The following TTC8 variants were observed in gnomAD, a reference collection of about 807,000 sequenced individuals.
TTC8 encodes the protein tetratricopeptide repeat domain 8.
In TTC8, 47 loss-of-function variants were observed where a neutral mutation model predicts 72.5. The ratio of observed to expected loss-of-function variants is 0.65; its 90% CI spans 0.51 to 0.83. The LOEUF (loss-of-function observed/expected upper bound fraction) is 0.83. Among genes scored for constraint, TTC8 ranks in the 40% least tolerant of loss-of-function variants. The pLI, the probability that TTC8 is intolerant of heterozygous loss-of-function variation, is 0.00. For synonymous variants in TTC8, 199 were observed against 221.4 expected, an observed-to-expected ratio of 0.90 and a Z score of 0.90; for missense variants, 611 against 623.2, an observed-to-expected ratio of 0.98 and a Z score of 0.21.
At chr14:88,875,935 T>C (rs1365011623) in intron 14 of TTC8, among the ~76,000 whole-genome samples, 1 of 152,226 alleles carries the variant, frequency 6.6e-6, no homozygotes, top group Non-Finnish European at 1.5e-5. Context: ...ATTTTTTTCA[T>C]GACTGATGTT....
chr14:88,870,805 G>A (rs1472467180), intron 11 of TTC8, among the ~76,000 whole-genome samples: 1 of 152,178 alleles, frequency 6.6e-6, no homozygotes, highest in Non-Finnish European at 1.5e-5. Flanking sequence ...GCTGACAAGG[G>A]TTCTTTCCAA....
At chr14:88,866,797 C>T (rs1183071624) in intron 10 of TTC8, among the ~76,000 whole-genome samples, 1 of 152,150 alleles carries the variant, frequency 6.6e-6, no homozygotes, top group Non-Finnish European at 1.5e-5. Context: ...TTGAGCCACA[C>T]CTCAGCCTCC....
At chr14:88,869,208 C>T (rs1369448546) in intron 10 of TTC8, among the ~76,000 whole-genome samples, 1 of 152,086 alleles carries the variant, frequency 6.6e-6, no homozygotes, top group Admixed American at 6.6e-5. Context: ...TGAACAGGGC[C>T]TTGAAGGTGG....
At chr14:88,825,185 C>A (rs946442283) in intron 1 of TTC8, among the ~76,000 whole-genome samples, 3 of 152,200 alleles carry the variant, frequency 2.0e-5, no homozygotes, top group Admixed American at 6.5e-5. Flanking sequence ...TTGTTAATTT[C>A]TAAAAAATAT....
chr14:88,841,793 G>C (rs1039181073), intron 6 of TTC8, among the ~76,000 whole-genome samples: 6 of 152,178 alleles, frequency 3.9e-5, no homozygotes, highest in African/African-American at 1.4e-4. Flanking sequence ...CATCTTTGTA[G>C]AATGAAGCTT....
chr14:88,839,283 CT>C (rs1175289540), intron 2 of TTC8, among the ~76,000 whole-genome samples, 168 bp from the exon 3 acceptor site: 112 of 152,082 alleles, frequency 7.4e-4, no homozygotes, highest in African/African-American at 2.6e-3. Flanking sequence ...ATAATGATGG[CT>C]TCTTGTATTA....
intron 2 of TTC8, 88 bp from the exon 3 acceptor site, chr14:88,839,364 A>C: frequency 7.3e-7 from 1 of 1,377,984 alleles, no homozygotes; most frequent in African/African-American, 1.5e-5. Flanking sequence ...AAAATGAAAT[A>C]ACAACAATGA....
Position 88,861,246 on chromosome 14 carries a change from G to C in TTC8, c.823G>C (p.Val275Leu). 2 of 1,612,756 alleles carry C rather than the reference G, an allele frequency of 1.2e-6. No homozygotes were observed. The highest frequency in any genetic ancestry group is 1.7e-6 in the Non-Finnish European group (2 of 1,179,254). Residue 275 changes from valine to leucine, a missense_variant, in exon 10 of 15, where the codon GTG becomes CTG. Coordinates refer to ENST00000380656, the MANE Select transcript of TTC8 (RefSeq NM_144596.4). ...GGTTTATGTCTCATTGGATCAACCT[G>C]TGACTGCTTTAAATCTTTTCAAACA... Reference protein sequence around the residue: ...AKVYVSLDQPVTALNLFKQGL... With the variant: ...AKVYVSLDQPLTALNLFKQGL...
intron 7 of TTC8, among the ~76,000 whole-genome samples, chr14:88,849,877 A>G (rs972148817): frequency 2.9e-4 from 44 of 152,202 alleles, no homozygotes; most frequent in Admixed American, 2.7e-3. Context: ...ACAAAACTAA[A>G]GTGGCATGTG....
intron 10 of TTC8, among the ~76,000 whole-genome samples, chr14:88,866,408 C>CAT (rs1236821940): frequency 2.0e-5 from 3 of 151,558 alleles, no homozygotes. Flanking sequence ...CACACACACA[C>CAT]ACACACGCAC....
At chr14:88,870,663 C>T (rs1319668309) in intron 11 of TTC8, among the ~76,000 whole-genome samples, 1 of 152,162 alleles carries the variant, frequency 6.6e-6, no homozygotes, top group East Asian at 1.9e-4. Context: ...AATATTTTTT[C>T]AGTCTAAATA....
intron 12 of TTC8, 42 bp from the exon 13 acceptor site, chr14:88,872,288 G>A (rs1418932097): frequency 6.2e-7 from 1 of 1,611,860 alleles, no homozygotes; most frequent in African/African-American, 1.3e-5. Context: ...GGAGGAGGAA[G>A]TAAACGGACC....
At chr14:88,874,279 A>G (rs2094947669) in intron 13 of TTC8, among the ~76,000 whole-genome samples, 2 of 152,164 alleles carry the variant, frequency 1.3e-5, no homozygotes, top group Non-Finnish European at 2.9e-5. Context: ...AAAGTTATAC[A>G]AATTTGTCTT....
At chr14:88,832,982 C>T (rs933025912) in intron 1 of TTC8, among the ~76,000 whole-genome samples, 1 of 152,160 alleles carries the variant, frequency 6.6e-6, no homozygotes, top group African/African-American at 2.4e-5. Context: ...AATTACCTGT[C>T]CTTGCATGGT....
rs144872682 is a variant in TTC8 at position 88,874,276 on chromosome 14, T to C, written c.1348-750T>C. ...ATTTTGTTTTCCATTAAAAAAGTTA[T>C]ACAAATTTGTCTTCAGGGTCATGGA... On this transcript the variant is annotated intron_variant, in intron 13 of 14. Coordinates refer to ENST00000380656, the MANE Select transcript of TTC8 (RefSeq NM_144596.4). 1.3e-3 allele frequency among the ~76,000 whole-genome samples: 203 copies of C among 152,312 alleles called. 1 individual carries two copies. Among genetic ancestry groups the C allele is most frequent in the African/African-American group, 4.6e-3 (190 of 41,570 alleles).
chr14:88,829,870 C>CAT (rs1169451440), intron 1 of TTC8, among the ~76,000 whole-genome samples: 2 of 152,202 alleles, frequency 1.3e-5, no homozygotes, highest in African/African-American at 4.8e-5. Flanking sequence ...AGCCAAAGAA[C>CAT]ATATCGTGTG....
At position 88,870,191 on chromosome 14, in the gene TTC8, T is replaced by C. The variant is rs200086953; in HGVS notation, c.1042T>C (p.Phe348Leu). Reference sequence around the variant, plus strand: ...TGATCAGCCAGAAATAGCTCTCCGGTTTTACAGGTGCACTTCACATCCAAT... The same window carrying C: ...TGATCAGCCAGAAATAGCTCTCCGGCTTTACAGGTGCACTTCACATCCAAT... ...YSDQPEIALR[F>L]YRRLLQMGIY... The change falls in exon 11 of 15, where the codon TTT becomes CTT. Residue 348 changes from phenylalanine to leucine, a missense_variant. Transcript: ENST00000380656. 75 of 1,614,018 alleles carry C rather than the reference T, an allele frequency of 4.6e-5. No individual in the cohort carries two copies. The highest frequency in any genetic ancestry group is 5.2e-5 in the Non-Finnish European group (61 of 1,179,914).
At chr14:88,841,386 A>G (rs1298325977) in intron 5 of TTC8, 39 bp from the exon 6 acceptor site, 1 of 1,604,756 alleles carries the variant, frequency 6.2e-7, no homozygotes, top group South Asian at 1.1e-5. Context: ...TTTCAAGAGA[A>G]AGTTTCAGAT....
At chr14:88,833,455 C>G (rs1174824883) in intron 1 of TTC8, among the ~76,000 whole-genome samples, 3 of 152,110 alleles carry the variant, frequency 2.0e-5, no homozygotes, top group Non-Finnish European at 4.4e-5. Context: ...TCTCTTTGCA[C>G]TTTGAATGAG....
Sources: allele counts gnomAD v4.1 joint callset (sites outside exome capture counted in the v4.1 genomes callset), GRCh38; gene constraint gnomAD v4.1.1; transcripts MANE v1.5; gene names NCBI Gene and HGNC (gene_info 2026-07-23, HGNC 2026-07-21).